Variants in COL4A3 observed in about 807,000 individuals in gnomAD.
The protein encoded by COL4A3 is collagen alpha-3(IV) chain.
A neutral mutation model predicts 217.4 loss-of-function variants in COL4A3; 135 were observed. The observed-to-expected ratio is 0.62, with a 90% CI of 0.54 to 0.72. The LOEUF is 0.72. Ranked by LOEUF, COL4A3 falls within the 30% of genes least tolerant of loss-of-function variation. The pLI, the probability that COL4A3 is intolerant of heterozygous loss-of-function variation, is 0.00. For synonymous variants in COL4A3, 690 were observed against 736.3 expected (o/e 0.94, Z 1.02); for missense variants, 1,868 against 2,119.9 (o/e 0.88, Z 2.33).
chr2:227,271,097 A>G, intron 25 of COL4A3, 145 bp downstream of exon 25: 2 of 757,382 alleles, frequency 2.6e-6, no homozygotes, highest in Non-Finnish European at 4.6e-6. Context: ...ATTAGCAGGA[A>G]TAACCCAAGC....
chr2:227,261,152 G>A, intron 20 of COL4A3, 35 bp downstream of exon 20: 1 of 1,571,314 alleles, frequency 6.4e-7, no homozygotes, highest in Non-Finnish European at 8.7e-7. Flanking sequence ...AAATAGAAAT[G>A]CTATTACAAA....
intron 1 of COL4A3, among the ~76,000 whole-genome samples, chr2:227,213,731 G>A (rs903102732): frequency 2.0e-5 from 3 of 151,652 alleles, no homozygotes; most frequent in Admixed American, 6.6e-5. Context: ...GTGAAACCCC[G>A]TCTCTACCAA....
intron 43 of COL4A3, among the ~76,000 whole-genome samples, chr2:227,301,452 T>C (rs2073283911): frequency 3.3e-5 from 5 of 152,228 alleles, no homozygotes; most frequent in Admixed American, 3.3e-4. Context: ...CTCTTGGTAT[T>C]TGATTTCCAG....
At chr2:227,213,107 A>C (rs1443282198) in intron 1 of COL4A3, among the ~76,000 whole-genome samples, 3 of 152,232 alleles carry the variant, frequency 2.0e-5, no homozygotes, top group African/African-American at 7.2e-5. Context: ...GGCTTCCTCC[A>C]AGGCAAATCA....
At chr2:227,213,824 C>T (rs940887845) in intron 1 of COL4A3, among the ~76,000 whole-genome samples, 2 of 150,290 alleles carry the variant, frequency 1.3e-5, no homozygotes, top group African/African-American at 4.9e-5. Flanking sequence ...ATGGCGTGAA[C>T]CCAGAAGACA....
Position 227,164,638 on chromosome 2 carries a change from G to A in COL4A3, c.-89G>A. 1 of 1,518,158 alleles carries A rather than the reference G, an allele frequency of 6.6e-7. No homozygotes were observed. The highest frequency in any genetic ancestry group is 1.4e-5 in the African/African-American group (1 of 71,914). 94.0% of individuals were successfully genotyped at this position (1,518,158 alleles called of 1,614,324 possible). ...AGTGGCGAGGCGAGCTTTCCAGCCGGGCTCCCAGAGCCGCGCTGCGCAGGA... is the reference window on the plus strand; with the variant it reads ...AGTGGCGAGGCGAGCTTTCCAGCCGAGCTCCCAGAGCCGCGCTGCGCAGGA... On this transcript the variant is annotated 5_prime_UTR_variant, in exon 1 of 52. Transcript: ENST00000396578. The surrounding 1 kb of genome is among the most constrained non-coding windows in gnomAD (Gnocchi z 4.8).
At position 227,308,956 on chromosome 2, in the gene COL4A3, T is replaced by C. The variant is rs2073629223; in HGVS notation, c.4520T>C (p.Val1507Ala). Residue 1507 changes from valine (V) to alanine (A), a missense_variant, in exon 49 of 52, where the codon GTC becomes GCC. Coordinates refer to ENST00000396578, the MANE Select transcript of COL4A3 (RefSeq NM_000091.5). The part of the protein sequence containing the change: ...FTTMPFLFCN[V>A]NDVCNFASRN... The stretch of plus-strand genomic sequence containing the variant: ...ACAATGCCATTCTTATTCTGCAATG[T>C]CAATGATGTATGTAATTTTGCATCT... The C allele has an allele frequency of 6.2e-7, 1 of 1,614,238 alleles. No individual in the cohort carries two copies. Among genetic ancestry groups the C allele is most frequent in the Non-Finnish European group, 8.5e-7 (1 of 1,180,044 alleles).
chr2:227,177,430 C>T (rs533883868), intron 1 of COL4A3, among the ~76,000 whole-genome samples: 1 of 152,244 alleles, frequency 6.6e-6, no homozygotes, highest in East Asian at 1.9e-4. Context: ...GCTGGGATTA[C>T]AGGCTTAAGC....
At chr2:227,170,597 C>T (rs1021637067) in intron 1 of COL4A3, among the ~76,000 whole-genome samples, 3 of 152,056 alleles carry the variant, frequency 2.0e-5, no homozygotes, top group African/African-American at 7.2e-5. Context: ...CCCACCGAGT[C>T]CCTCCCACAA....
rs200866082 is a variant in COL4A3 at position 227,238,016 on chromosome 2, G to A, written c.136G>A (p.Gly46Arg). The change falls in exon 2 of 52, where the codon GGG becomes AGG. Residue 46 changes from glycine to arginine, a missense_variant. Coordinates refer to ENST00000396578, the MANE Select transcript of COL4A3 (RefSeq NM_000091.5). Reference protein sequence around the residue: ...KGQCFCDGAKGEKGEKGFPGP... With the variant: ...KGQCFCDGAKREKGEKGFPGP... ...CCAGTGCTTCTGTGACGGGGCCAAAGGGGAGAAGGTAAAAACAAACCCTAA... is the reference window on the plus strand; with the variant it reads ...CCAGTGCTTCTGTGACGGGGCCAAAAGGGAGAAGGTAAAAACAAACCCTAA... 1.0e-4 allele frequency: 163 copies of A among 1,605,096 alleles called. No homozygotes were observed. In the African/African-American group the frequency reaches 1.9e-3, roughly 19 times the overall value.
chr2:227,196,676 C>T (rs985738800), intron 1 of COL4A3, among the ~76,000 whole-genome samples: 55 of 152,132 alleles, frequency 3.6e-4, no homozygotes, highest in African/African-American at 8.4e-4. Flanking sequence ...TATACAAACA[C>T]GATTGCGTTA....
chr2:227,249,212 G>GTATGTATATA (rs1553751605), intron 9 of COL4A3, among the ~76,000 whole-genome samples: 1 of 33,218 alleles, frequency 3.0e-5, no homozygotes, highest in East Asian at 1.6e-3. Flanking sequence ...AAATTAGCTA[G>GTATGTATATA]TATATATATA....
chr2:227,254,901 G>C (rs2070057023), intron 15 of COL4A3, among the ~76,000 whole-genome samples, 186 bp downstream of exon 15: 1 of 152,106 alleles, frequency 6.6e-6, no homozygotes, highest in Admixed American at 6.6e-5. Flanking sequence ...AGGGTTCAAG[G>C]ACTTCAGAGC....
chr2:227,173,524 G>A (rs973499201), intron 1 of COL4A3, among the ~76,000 whole-genome samples: 1 of 152,004 alleles, frequency 6.6e-6, no homozygotes, highest in Admixed American at 6.6e-5. Flanking sequence ...TTTCCTAACC[G>A]AGACTAAATT....
chr2:227,281,404 T>A (rs141112924), intron 31 of COL4A3, among the ~76,000 whole-genome samples: 72 of 152,290 alleles, frequency 4.7e-4, no homozygotes, highest in African/African-American at 1.6e-3. Context: ...TATGCAATGA[T>A]ACCAGTTTAA....
intron 21 of COL4A3, among the ~76,000 whole-genome samples, chr2:227,264,302 T>C (rs1368046449): frequency 2.0e-5 from 3 of 152,024 alleles, no homozygotes; most frequent in Non-Finnish European, 2.9e-5. Flanking sequence ...AATTTATCCA[T>C]TTGCTCCTAG....
intron 1 of COL4A3, among the ~76,000 whole-genome samples, chr2:227,192,442 C>CCCGG (rs145103614): frequency 6.6e-6 from 1 of 152,112 alleles, no homozygotes; most frequent in Admixed American, 6.5e-5. Flanking sequence ...GAAAACCAAC[C>CCCGG]TTTTCATCTC....
At position 227,314,708 on chromosome 2, in the gene COL4A3, T is replaced by A. The variant is rs2073848940; in HGVS notation, c.*2838T>A. 1.3e-5 allele frequency: 2 copies of A among 151,920 alleles called. No individual in the cohort carries two copies. The allele number at this position is 151,920 out of a possible 1,614,324, so 9.4% of individuals were successfully genotyped here. On this transcript the variant is annotated 3_prime_UTR_variant, in exon 52 of 52. Coordinates refer to ENST00000396578, the MANE Select transcript of COL4A3 (RefSeq NM_000091.5). Reference sequence around the variant, plus strand: ...TTGTTATATCCTGACAAGATTATAATATTTTAATGTACTAATATTTCTGTA... The same window carrying A: ...TTGTTATATCCTGACAAGATTATAAAATTTTAATGTACTAATATTTCTGTA...
At position 227,290,771 on chromosome 2, in the gene COL4A3, T is replaced by A; in HGVS notation, c.3095T>A (p.Leu1032Ter). 1.9e-6 allele frequency: 3 copies of A among 1,613,574 alleles called. No homozygotes were observed. Among genetic ancestry groups the A allele is most frequent in the Non-Finnish European group, 2.5e-6 (3 of 1,179,972 alleles). The change falls in exon 37 of 52, where the codon TTG becomes TAG. Residue 1032 changes from leucine (L) to a stop codon, truncating the protein, a stop_gained. Coordinates refer to ENST00000396578, the MANE Select transcript of COL4A3 (RefSeq NM_000091.5). LOFTEE classifies it high-confidence loss of function. ...GGTTCTAAAGGAAAAAGGGGAACTT[T>A]GGGATTCCCAGGTCGAGCAGGAAGA... Reference protein sequence around the residue: ...MPGSKGKRGTLGFPGRAGRPG... With the variant: ...MPGSKGKRGT
Sources: allele counts gnomAD v4.1 joint callset (sites outside exome capture counted in the v4.1 genomes callset), GRCh38; gene constraint gnomAD v4.1.1; non-coding constraint Gnocchi (gnomAD v3.1); transcripts MANE v1.5; gene names NCBI Gene and HGNC (gene_info 2026-07-23, HGNC 2026-07-21).